The following AK7 variants were observed in gnomAD, a reference collection of about 807,000 sequenced individuals.
AK7 encodes the protein adenylate kinase 7.
AK7 carries 78 observed loss-of-function variants against 96.6 expected under a neutral mutation model. The ratio of observed to expected loss-of-function variants is 0.81; its 90% confidence interval spans 0.67 to 0.97. The LOEUF (loss-of-function observed/expected upper bound fraction) is 0.97, where lower values mean the gene tolerates loss of function less well. Among genes scored for constraint, AK7 ranks in the 50% least tolerant of loss-of-function variants. AK7 has a pLI of 0.00. For missense variants in AK7, 855 were observed against 887.9 expected (o/e 0.96, Z 0.47); for synonymous variants, 302 against 317.2 (o/e 0.95, Z 0.51).
chr14:96,402,259 G>A (rs1890459689), intron 2 of AK7, among the ~76,000 whole-genome samples: 1 of 150,298 alleles, frequency 6.7e-6, no homozygotes, highest in Non-Finnish European at 1.5e-5. Flanking sequence ...ATTCATTTTT[G>A]CCTCTATTAC....
intron 8 of AK7, among the ~76,000 whole-genome samples, chr14:96,449,532 C>G (rs1893459676): frequency 6.6e-6 from 1 of 152,200 alleles, no homozygotes; most frequent in Non-Finnish European, 1.5e-5. Context: ...CTCTCAGGTT[C>G]AAGCAATTCT....
chr14:96,422,082 A>G (rs1020439843), intron 5 of AK7, among the ~76,000 whole-genome samples: 2 of 152,194 alleles, frequency 1.3e-5, no homozygotes, highest in Non-Finnish European at 2.9e-5. Flanking sequence ...CACTGGATAT[A>G]CCAGCATTTA....
At chr14:96,426,690 G>C (rs1892048752) in intron 5 of AK7, among the ~76,000 whole-genome samples, 1 of 152,048 alleles carries the variant, frequency 6.6e-6, no homozygotes, top group South Asian at 2.1e-4. Flanking sequence ...TATTCTAGGT[G>C]AAAGTTTTTT....
rs200918135 is a variant in AK7, at chr14:96,420,523, A to AAAATG, written c.499-284_499-280dup. On this transcript the variant is annotated intron_variant, in intron 4 of 17. Transcript: ENST00000267584. ...ACAGAGAAAGACTCCATCTCAAATA[A>AAAATG]AAATGAAATGAAATGAAATATAATA... Among the ~76,000 whole-genome samples, 859 of 150,910 alleles carry AAAATG rather than the reference A, an allele frequency of 5.7e-3. 8 individuals are homozygous for AAAATG. The highest frequency in any genetic ancestry group is 0.02 in the African/African-American group (806 of 40,464).
At chr14:96,483,864 G>C (rs1178604453) in intron 16 of AK7, among the ~76,000 whole-genome samples, 4 of 152,048 alleles carry the variant, frequency 2.6e-5, no homozygotes, top group Middle Eastern at 3.2e-3. Flanking sequence ...AACCTACCCA[G>C]GTGGTCAGCT....
At position 96,426,471 on chromosome 14, in the gene AK7, A is replaced by G. The variant is rs183856385; in HGVS notation, c.609+5539A>G. ...TACACACCACCGTTAAAGTGTTCTAATATTTTGTTTTTCTGTGTACTTCCT... is the reference window on the plus strand; with the variant it reads ...TACACACCACCGTTAAAGTGTTCTAGTATTTTGTTTTTCTGTGTACTTCCT... On this transcript the variant is annotated intron_variant, in intron 5 of 17. Coordinates refer to ENST00000267584, the MANE Select transcript of AK7 (RefSeq NM_152327.5). 2.6e-5 allele frequency among the ~76,000 whole-genome samples: 4 copies of G among 152,232 alleles called. No homozygotes were observed. The East Asian group carries it at 7.7e-4, about 29-fold the overall frequency.
At chr14:96,406,430 C>T (rs1182983969) in intron 3 of AK7, among the ~76,000 whole-genome samples, 1 of 152,200 alleles carries the variant, frequency 6.6e-6, no homozygotes, top group African/African-American at 2.4e-5. Context: ...CTGCTTCCTT[C>T]TAATAAAGAG....
chr14:96,408,884 G>C lies in AK7; in HGVS notation c.441G>C (p.Lys147Asn). The change falls in exon 4 of 18, where the codon AAG becomes AAC. Residue 147 changes from lysine to asparagine, a missense_variant. Coordinates refer to ENST00000267584, the MANE Select transcript of AK7 (RefSeq NM_152327.5). ...SEEVSHFEKR[K>N]LFILLSTVMT... Reference sequence around the variant, plus strand: ...AAGTCAGCCACTTTGAAAAGCGAAAGCTATTTATTTTACTGTCGACGGTGA... The same window carrying C: ...AAGTCAGCCACTTTGAAAAGCGAAACCTATTTATTTTACTGTCGACGGTGA... 6.2e-7 allele frequency: 1 copy of C among 1,614,230 alleles called. No homozygotes were observed. The highest frequency in any genetic ancestry group is 8.5e-7 in the Non-Finnish European group (1 of 1,180,050).
At chr14:96,457,184 C>A (rs1893972837) in intron 11 of AK7, 1 of 151,886 alleles carries the variant, frequency 6.6e-6, no homozygotes, top group South Asian at 2.1e-4. Flanking sequence ...CCTCAGCCTC[C>A]CAAGTAGCTA....
rs911865007 is a variant in AK7, at chr14:96,450,964, C to T, written c.949-457C>T. ...TAATTTTTTGTATTTTTAGTAGAGACGAGGTTTCACCGTGTTAGCCAGGAT... is the reference window on the plus strand; with the variant it reads ...TAATTTTTTGTATTTTTAGTAGAGATGAGGTTTCACCGTGTTAGCCAGGAT... On this transcript the variant is annotated intron_variant, in intron 9 of 17. Coordinates refer to ENST00000267584, the MANE Select transcript of AK7 (RefSeq NM_152327.5). Among the ~76,000 whole-genome samples, 13 of 151,868 alleles carry T rather than the reference C, an allele frequency of 8.6e-5. 1 individual carries two copies. The East Asian group carries it at 1.9e-3, about 23-fold the overall frequency.
At chr14:96,487,571 G>A (rs1895848311) in intron 17 of AK7, among the ~76,000 whole-genome samples, 1 of 150,892 alleles carries the variant, frequency 6.6e-6, no homozygotes, top group Admixed American at 6.6e-5. Flanking sequence ...TGTGATTACA[G>A]ATGTGCACCA....
intron 12 of AK7, among the ~76,000 whole-genome samples, chr14:96,468,107 A>G (rs1046209024): frequency 5.5e-5 from 8 of 146,688 alleles, no homozygotes; most frequent in Non-Finnish European, 1.2e-4. Flanking sequence ...TTAGCTGGGT[A>G]TGGTGGTGTG....
At chr14:96,429,146 G>A (rs1234952408) in intron 5 of AK7, among the ~76,000 whole-genome samples, 1 of 150,966 alleles carries the variant, frequency 6.6e-6, no homozygotes, top group Non-Finnish European at 1.5e-5. Context: ...TGTATAAGGT[G>A]TAAGGAAGGG....
intron 7 of AK7, 81 bp from the exon 8 acceptor site, chr14:96,446,436 G>GGGT: frequency 4.2e-6 from 5 of 1,190,722 alleles, no homozygotes; most frequent in Non-Finnish European, 6.3e-6. Flanking sequence ...CCAGCCATGG[G>GGGT]GGTGGTGGTC....
chr14:96,404,736 G>T (rs377402426), intron 2 of AK7, 21 bp from the exon 3 acceptor site: 38 of 1,527,642 alleles, frequency 2.5e-5, no homozygotes, highest in Non-Finnish European at 3.3e-5. Flanking sequence ...GCTGCAAATG[G>T]CTGTCAATTT....
chr14:96,449,420 G>GTT (rs59663718), intron 8 of AK7, among the ~76,000 whole-genome samples: 10,583 of 151,734 alleles, frequency 0.07, 1,267 homozygotes, highest in African/African-American at 0.24. Flanking sequence ...TCATTTGAGG[G>GTT]TGTTTGTTTG....
intron 2 of AK7, chr14:96,398,755 T>C (rs1890235402): frequency 5.8e-6 from 1 of 171,218 alleles, no homozygotes; most frequent in Admixed American, 5.4e-5. Flanking sequence ...AAACATCCTT[T>C]GGTAATGCAC....
chr14:96,473,185 T>C (rs1364110040), intron 14 of AK7, among the ~76,000 whole-genome samples: 2 of 151,378 alleles, frequency 1.3e-5, no homozygotes, highest in African/African-American at 4.8e-5. Flanking sequence ...TTTTTTTTTT[T>C]TTTGAGACTG....
At chr14:96,427,918 A>T (rs558994325) in intron 5 of AK7, among the ~76,000 whole-genome samples, 1 of 152,212 alleles carries the variant, frequency 6.6e-6, no homozygotes, top group Admixed American at 6.5e-5. Flanking sequence ...ATAAAAATTA[A>T]AGGGATAATT....
Sources: allele counts gnomAD v4.1 joint callset (sites outside exome capture counted in the v4.1 genomes callset), GRCh38; gene constraint gnomAD v4.1.1; transcripts MANE v1.5; gene names NCBI Gene and HGNC (gene_info 2026-07-23, HGNC 2026-07-21).